The following GAP43 variants were observed in gnomAD, a reference collection of about 807,000 sequenced individuals.
GAP43 encodes neuromodulin.
GAP43 carries 6 observed loss-of-function variants against 18.6 expected under a neutral mutation model. That is an observed-to-expected ratio of 0.32 (90% CI 0.18 to 0.64). The LOEUF (loss-of-function observed/expected upper bound fraction) is 0.64, where lower values mean the gene tolerates loss of function less well. Ranked by LOEUF, GAP43 falls within the 30% of genes least tolerant of loss-of-function variation. The pLI is 0.78. For synonymous variants in GAP43, 115 were observed against 111.4 expected, an observed-to-expected ratio of 1.03 and a Z score of -0.20; for missense variants, 292 against 295.5, an observed-to-expected ratio of 0.99 and a Z score of 0.09.
chr3:115,701,551 C>T (rs1361993205), intron 2 of GAP43, among the ~76,000 whole-genome samples: 1 of 151,882 alleles, frequency 6.6e-6, no homozygotes, highest in Non-Finnish European at 1.5e-5. Context: ...CTGGTTTCTC[C>T]AAGACTAAGG....
intron 2 of GAP43, among the ~76,000 whole-genome samples, chr3:115,697,977 A>G (rs1440509653): frequency 4.9e-5 from 2 of 40,932 alleles, no homozygotes; most frequent in Non-Finnish European, 1.1e-4. Flanking sequence ...TTCACAGAGT[A>G]CATGTGCGTG....
intron 2 of GAP43, among the ~76,000 whole-genome samples, chr3:115,719,931 G>A (rs1318342068): frequency 6.6e-6 from 1 of 152,116 alleles, no homozygotes; most frequent in South Asian, 2.1e-4. Flanking sequence ...GAGTTCTGTC[G>A]GGAAACAAAG....
At chr3:115,637,853 G>A (rs1708348989) in intron 1 of GAP43, among the ~76,000 whole-genome samples, 1 of 151,968 alleles carries the variant, frequency 6.6e-6, no homozygotes, top group Non-Finnish European at 1.5e-5. Flanking sequence ...TTCAGAAACA[G>A]AACCCTTATA....
chr3:115,643,638 C>T (rs948695663), intron 1 of GAP43, among the ~76,000 whole-genome samples: 23 of 151,998 alleles, frequency 1.5e-4, no homozygotes, highest in African/African-American at 5.6e-4. Context: ...TACTCAAACT[C>T]ACCTGTTTAC....
At chr3:115,704,383 C>T (rs907177779) in intron 2 of GAP43, among the ~76,000 whole-genome samples, 3 of 152,026 alleles carry the variant, frequency 2.0e-5, no homozygotes, top group African/African-American at 7.2e-5. Context: ...GCCATTTTGC[C>T]TATGAAGCCT....
At chr3:115,713,117 A>G (rs1011326889) in intron 2 of GAP43, among the ~76,000 whole-genome samples, 4 of 152,212 alleles carry the variant, frequency 2.6e-5, no homozygotes, top group African/African-American at 9.6e-5. Context: ...ATAGCTAAAG[A>G]AAAAGACTGT....
At chr3:115,624,560 C>T (rs1356348092) in intron 1 of GAP43, among the ~76,000 whole-genome samples, 1 of 152,078 alleles carries the variant, frequency 6.6e-6, no homozygotes, top group African/African-American at 2.4e-5. Context: ...AGGCTAACAT[C>T]CTGGATAATA....
chr3:115,631,016 A>C, intron 1 of GAP43, among the ~76,000 whole-genome samples: 1 of 152,194 alleles, frequency 6.6e-6, no homozygotes, highest in Non-Finnish European at 1.5e-5. Context: ...TTACTTATTC[A>C]GCGTGGGCTT....
chr3:115,628,302 T>A (rs9827980), intron 1 of GAP43, among the ~76,000 whole-genome samples: 2 of 151,662 alleles, frequency 1.3e-5, no homozygotes, highest in Non-Finnish European at 2.9e-5. Context: ...CTTCTTGTGC[T>A]GCACTGGCTC....
At chr3:115,643,274 G>A (rs1434461188) in intron 1 of GAP43, among the ~76,000 whole-genome samples, 2 of 152,064 alleles carry the variant, frequency 1.3e-5, no homozygotes, top group Admixed American at 1.3e-4. Flanking sequence ...GGTATCCACG[G>A]TCTGTGGCTA....
intron 1 of GAP43, among the ~76,000 whole-genome samples, chr3:115,675,367 G>A (rs1708867441): frequency 6.6e-6 from 1 of 152,262 alleles, no homozygotes; most frequent in Non-Finnish European, 1.5e-5. Context: ...ACTGCACCCA[G>A]CTTGTAAATG....
intron 2 of GAP43, among the ~76,000 whole-genome samples, chr3:115,690,216 A>AC (rs150800461): frequency 0.013 from 1,758 of 137,336 alleles, 22 homozygotes; most frequent in African/African-American, 0.041. Context: ...CCTAGGAGAG[A>AC]CCCCCCCGCC....
intron 2 of GAP43, among the ~76,000 whole-genome samples, chr3:115,686,143 A>G (rs1023266395): frequency 6.6e-6 from 1 of 152,208 alleles, no homozygotes; most frequent in African/African-American, 2.4e-5. Flanking sequence ...TCAGCAGCCA[A>G]CGTTAGTCAG....
In GAP43 at chr3:115,623,639, A is replaced by G; in HGVS notation, c.-51A>G. 6.2e-7 allele frequency: 1 copy of G among 1,610,186 alleles called. No homozygotes were observed. Among genetic ancestry groups the G allele is most frequent in the African/African-American group, 1.3e-5 (1 of 74,972 alleles). On this transcript the variant is annotated 5_prime_UTR_variant, in exon 1 of 3. Transcript: ENST00000305124. ...GGTGGAGAGGGGGGGAATAAGAAAG[A>G]GAGAGAAGGAAAGGAGAGAAGGCAG...
chr3:115,698,498 G>A (rs1344341555), intron 2 of GAP43, among the ~76,000 whole-genome samples: 1 of 150,138 alleles, frequency 6.7e-6, no homozygotes, highest in Non-Finnish European at 1.5e-5. Context: ...AGAACACTGT[G>A]AGACAAACAA....
At chr3:115,682,799 G>A (rs1275599423) in intron 2 of GAP43, among the ~76,000 whole-genome samples, 1 of 152,148 alleles carries the variant, frequency 6.6e-6, no homozygotes, top group Non-Finnish European at 1.5e-5. Context: ...AGCCTCGCTG[G>A]GATTACAGGT....
intron 2 of GAP43, among the ~76,000 whole-genome samples, chr3:115,679,416 T>C (rs1218637596): frequency 6.6e-6 from 1 of 152,216 alleles, no homozygotes; most frequent in African/African-American, 2.4e-5. Context: ...GTTATTGTCA[T>C]TGTTTTAAAT....
At chr3:115,716,653 ACAAAG>A (rs1156402023) in intron 2 of GAP43, among the ~76,000 whole-genome samples, 1 of 145,524 alleles carries the variant, frequency 6.9e-6, no homozygotes, top group Admixed American at 7.0e-5. Context: ...TTCGCTTAAA[ACAAAG>A]CAAATATTTT....
chr3:115,663,883 T>A lies in GAP43; in HGVS notation c.31-12130T>A, dbSNP rs373081251. 6 of 1,552,036 alleles carry A rather than the reference T, an allele frequency of 3.9e-6. No individual in the cohort carries two copies. In the African/African-American group the frequency reaches 8.2e-5, roughly 21 times the overall value. Reference sequence around the variant, plus strand: ...AGAGAGCAGTTCGACCTAGTCCTTATTCACTTGGCTTCTTGACTTTCTGGA... The same window carrying A: ...AGAGAGCAGTTCGACCTAGTCCTTAATCACTTGGCTTCTTGACTTTCTGGA... On this transcript the variant is annotated intron_variant, in intron 1 of 2. Transcript: ENST00000305124.
Sources: gnomAD v4.1 joint callset for allele counts (sites outside exome capture counted in the v4.1 genomes callset) on GRCh38, gnomAD v4.1.1 for gene constraint, MANE v1.5 for transcripts, NCBI Gene and HGNC (gene_info 2026-07-23, HGNC 2026-07-21) for gene names.